The following MARCHF4 variants were observed in gnomAD, a reference collection of about 807,000 sequenced individuals.
MARCHF4 encodes the protein membrane associated ring-CH-type finger 4, also known as E3 ubiquitin-protein ligase MARCHF4.
MARCHF4 carries 14 observed loss-of-function variants against 43.9 expected under a neutral mutation model. The observed-to-expected ratio is 0.32, with a 90% CI of 0.21 to 0.50. The LOEUF (loss-of-function observed/expected upper bound fraction) is 0.50, where lower values mean the gene tolerates loss of function less well. MARCHF4 is among the 20% of genes least tolerant of loss of function. The pLI, the probability that MARCHF4 is intolerant of heterozygous loss-of-function variation, is 0.98. For missense variants in MARCHF4, 468 were observed against 536.7 expected, an observed-to-expected ratio of 0.87 and a Z score of 1.27; for synonymous variants, 226 against 213.3, an observed-to-expected ratio of 1.06 and a Z score of -0.52.
intron 1 of MARCHF4, among the ~76,000 whole-genome samples, chr2:216,317,052 T>G (rs1030448763): frequency 3.3e-5 from 5 of 152,040 alleles, no homozygotes; most frequent in African/African-American, 1.2e-4. Flanking sequence ...CCTTCTAACC[T>G]CTTCAGCCCA....
intron 1 of MARCHF4, among the ~76,000 whole-genome samples, chr2:216,294,765 T>C (rs1691362881): frequency 1.3e-5 from 2 of 152,230 alleles, no homozygotes; most frequent in Non-Finnish European, 2.9e-5. Context: ...CTGGACCAGA[T>C]ACTCTTCAGC....
At chr2:216,269,273 T>C (rs766704436) in intron 3 of MARCHF4, among the ~76,000 whole-genome samples, 1 of 152,150 alleles carries the variant, frequency 6.6e-6, no homozygotes, top group Non-Finnish European at 1.5e-5. Flanking sequence ...CCTTAATTAA[T>C]TTGCTCTTGT....
At chr2:216,293,981 T>TGAAAAAAAAAAAAAA (rs1171951717) in intron 1 of MARCHF4, among the ~76,000 whole-genome samples, 1 of 99,400 alleles carries the variant, frequency 1.0e-5, no homozygotes, top group Non-Finnish European at 2.6e-5. Flanking sequence ...ATCATTACCA[T>TGAAAAAAAAAAAAAA]CACCATTGTT....
At chr2:216,300,014 A>T (rs1559093072) in intron 1 of MARCHF4, among the ~76,000 whole-genome samples, 4 of 152,200 alleles carry the variant, frequency 2.6e-5, no homozygotes, top group African/African-American at 9.7e-5. Context: ...AAAGCAAATC[A>T]TGTGGCTTAC....
chr2:216,311,163 C>T (rs1367599614), intron 1 of MARCHF4, among the ~76,000 whole-genome samples: 1 of 152,120 alleles, frequency 6.6e-6, no homozygotes, highest in East Asian at 1.9e-4. Flanking sequence ...GATTCAGGAG[C>T]ATATCCCATG....
chr2:216,336,742 T>TAAAAAAAAAAAAAAA (rs58031229), intron 1 of MARCHF4, among the ~76,000 whole-genome samples: 2 of 55,680 alleles, frequency 3.6e-5, no homozygotes, highest in African/African-American at 5.1e-5. Context: ...CAAATAGATT[T>TAAAAAAAAAAAAAAA]AAAAAAAAAA....
At chr2:216,280,957 C>A (rs578087812) in intron 2 of MARCHF4, among the ~76,000 whole-genome samples, 1 of 152,036 alleles carries the variant, frequency 6.6e-6, no homozygotes, top group South Asian at 2.1e-4. Flanking sequence ...CCATGCTGTG[C>A]CTCCTTTCTC....
At chr2:216,309,068 C>T (rs1296573823) in intron 1 of MARCHF4, among the ~76,000 whole-genome samples, 2 of 152,186 alleles carry the variant, frequency 1.3e-5, no homozygotes, top group African/African-American at 2.4e-5. Flanking sequence ...TCAATCTTCA[C>T]CCCAACCACC....
At chr2:216,270,166 C>G (rs1406179194) in intron 3 of MARCHF4, among the ~76,000 whole-genome samples, 1 of 152,012 alleles carries the variant, frequency 6.6e-6, no homozygotes, top group Non-Finnish European at 1.5e-5. Flanking sequence ...ACCTCAAACT[C>G]CTGAGCTCAA....
intron 3 of MARCHF4, chr2:216,266,145 A>G (rs1690841330): frequency 1.3e-5 from 2 of 152,222 alleles, no homozygotes; most frequent in Admixed American, 1.3e-4. Flanking sequence ...ACTAAGAGTT[A>G]ACTTACCAGT....
chr2:216,263,551 GAA>G (rs1400386553), intron 3 of MARCHF4, among the ~76,000 whole-genome samples: 9 of 151,206 alleles, frequency 6.0e-5, no homozygotes, highest in Admixed American at 1.3e-4. Flanking sequence ...GAGAGAGAGA[GAA>G]AGAAGAAAAA....
intron 1 of MARCHF4, among the ~76,000 whole-genome samples, chr2:216,367,807 AT>A (rs912333915): frequency 3.9e-5 from 6 of 152,088 alleles, no homozygotes; most frequent in East Asian, 3.9e-4. Context: ...ATTGCCAATG[AT>A]TTTTTTCTTT....
In MARCHF4 at chr2:216,331,533, GAGA is replaced by G. The variant is rs568772293; in HGVS notation, c.516+38209_516+38211del. Among the ~76,000 whole-genome samples the G allele has an allele frequency of 2.6e-5, 4 of 152,240 alleles. No homozygotes were observed. In the East Asian group the frequency reaches 7.7e-4, roughly 29 times the overall value. The stretch of plus-strand genomic sequence containing the variant: ...AAATCTGACATACACATGAAAAGGA[GAGA>G]AGATTTTGGCCAATCTCTTCCAAGA... On this transcript the variant is annotated intron_variant, in intron 1 of 3. Transcript: ENST00000273067.
chr2:216,309,606 A>C lies in MARCHF4; in HGVS notation c.517-25877T>G, dbSNP rs181665020. Among the ~76,000 whole-genome samples the C allele has an allele frequency of 3.3e-3, 506 of 152,314 alleles. 7 individuals are homozygous for C. The highest frequency in any genetic ancestry group is 2.2e-3 in the Non-Finnish European group (153 of 68,022). ...CCAAACCATCTGAGGAGGGCTTCCC[A>C]GGGATTTTACTTAAGCTTTATTGGA... On this transcript the variant is annotated intron_variant, in intron 1 of 3. Transcript: ENST00000273067.
chr2:216,354,908 T>TTTCG (rs1326488362), intron 1 of MARCHF4, among the ~76,000 whole-genome samples: 11 of 74,174 alleles, frequency 1.5e-4, no homozygotes, highest in African/African-American at 7.0e-4. Context: ...TCTTTCTTTC[T>TTTCG]TTCTTTCTTT....
At position 216,313,287 on chromosome 2, in the gene MARCHF4, C is replaced by T. The variant is rs527377520; in HGVS notation, c.517-29558G>A. Among the ~76,000 whole-genome samples the T allele has an allele frequency of 2.0e-5, 3 of 152,190 alleles. No homozygotes were observed. The East Asian group carries it at 5.8e-4, about 29-fold the overall frequency. ...GAATAAATTTGGTTCCTCTATGTGA[C>T]TTCCATTGATTTTAGAGGCAAATGG... is the stretch of plus-strand genomic sequence containing the variant. On this transcript the variant is annotated intron_variant, in intron 1 of 3. Coordinates refer to ENST00000273067, the MANE Select transcript of MARCHF4 (RefSeq NM_020814.3).
chr2:216,289,413 T>C (rs1341813023), intron 1 of MARCHF4, among the ~76,000 whole-genome samples: 1 of 152,202 alleles, frequency 6.6e-6, no homozygotes, highest in African/African-American at 2.4e-5. Flanking sequence ...CCTAATAAAC[T>C]TGCTCGTTTT....
intron 3 of MARCHF4, among the ~76,000 whole-genome samples, chr2:216,273,648 G>A (rs1469485617): frequency 6.6e-6 from 1 of 152,146 alleles, no homozygotes; most frequent in Admixed American, 6.5e-5. Flanking sequence ...TTCTGGAAGG[G>A]AAGCTTCCCC....
At chr2:216,343,083 C>A (rs1692260029) in intron 1 of MARCHF4, among the ~76,000 whole-genome samples, 1 of 152,148 alleles carries the variant, frequency 6.6e-6, no homozygotes, top group South Asian at 2.1e-4. Flanking sequence ...GCTTAAATGG[C>A]AGGCTGTGAC....
Sources: allele counts gnomAD v4.1 joint callset (sites outside exome capture counted in the v4.1 genomes callset), GRCh38; gene constraint gnomAD v4.1.1; transcripts MANE v1.5; gene names NCBI Gene and HGNC (gene_info 2026-07-23, HGNC 2026-07-21).